The following PLCB1 variants were observed in gnomAD, a reference collection of about 807,000 sequenced individuals.
PLCB1 encodes the protein phospholipase C beta 1, also known as 1-phosphatidylinositol 4,5-bisphosphate phosphodiesterase beta-1.
A neutral mutation model predicts 161.8 loss-of-function variants in PLCB1; 46 were observed. That is an observed-to-expected ratio of 0.28 (90% confidence interval 0.22 to 0.36). The LOEUF (loss-of-function observed/expected upper bound fraction) is 0.36. Ranked by LOEUF, PLCB1 falls within the 10% of genes least tolerant of loss-of-function variation. PLCB1 has a pLI of 1.00. For synonymous variants in PLCB1, 517 were observed against 503.7 expected, an observed-to-expected ratio of 1.03 and a Z score of -0.35; for missense variants, 1,016 against 1,472.5, an observed-to-expected ratio of 0.69 and a Z score of 5.07.
chr20:8,516,564 A>C (rs774263121), intron 3 of PLCB1, among the ~76,000 whole-genome samples: 3 of 151,484 alleles, frequency 2.0e-5, no homozygotes, highest in African/African-American at 7.3e-5. Context: ...GTTTATTTTC[A>C]TAACATGCTA....
rs76973447 is a variant in PLCB1 at position 8,475,437 on chromosome 20, A to G, written c.246+103987A>G. ...CCTGTCTCAAAAAAATAAGTGGGAAAAAAAGACAGAGATGTCCTTGCAACA... is the reference window on the plus strand; with the variant it reads ...CCTGTCTCAAAAAAATAAGTGGGAAGAAAAGACAGAGATGTCCTTGCAACA... On this transcript the variant is annotated intron_variant, in intron 3 of 31. Transcript: ENST00000338037. 9.1e-3 allele frequency among the ~76,000 whole-genome samples: 1,384 copies of G among 152,292 alleles called. 27 individuals are homozygous for G. The highest frequency in any genetic ancestry group is 0.031 in the African/African-American group (1,298 of 41,550).
intron 3 of PLCB1, among the ~76,000 whole-genome samples, chr20:8,524,287 G>GA (rs1340970972): frequency 5.9e-5 from 9 of 151,918 alleles, no homozygotes; most frequent in Non-Finnish European, 1.3e-4. Context: ...AATAAATCAT[G>GA]AAAAAAATGA....
At chr20:8,629,950 CT>C (rs1291329892) in intron 4 of PLCB1, among the ~76,000 whole-genome samples, 4 of 118,062 alleles carry the variant, frequency 3.4e-5, no homozygotes, top group African/African-American at 1.5e-4. Flanking sequence ...TTCTCTCTTT[CT>C]TTTCTTTCTT....
intron 31 of PLCB1, among the ~76,000 whole-genome samples, chr20:8,873,373 C>A (rs1987671758): frequency 6.6e-6 from 1 of 152,158 alleles, no homozygotes; most frequent in Non-Finnish European, 1.5e-5. Flanking sequence ...ATCCACTTAG[C>A]TAACTGATGA....
intron 5 of PLCB1, 121 bp from the exon 6 acceptor site, chr20:8,647,779 C>A (rs571068076): frequency 4.2e-6 from 3 of 717,894 alleles, no homozygotes; most frequent in Admixed American, 2.2e-5. Flanking sequence ...GAGACTTGGG[C>A]AGTTTGTGGA....
At chr20:8,497,967 TATA>T (rs1179934911) in intron 3 of PLCB1, among the ~76,000 whole-genome samples, 1 of 152,232 alleles carries the variant, frequency 6.6e-6, no homozygotes, top group Non-Finnish European at 1.5e-5. Flanking sequence ...TTTCCTTTTA[TATA>T]ATAATGACTC....
intron 3 of PLCB1, among the ~76,000 whole-genome samples, chr20:8,481,938 A>G (rs1032350445): frequency 6.6e-6 from 1 of 152,094 alleles, no homozygotes; most frequent in African/African-American, 2.4e-5. Context: ...AAGTATCATG[A>G]TAACTTTCAG....
At chr20:8,840,022 C>G (rs892109384) in intron 31 of PLCB1, among the ~76,000 whole-genome samples, 3 of 142,150 alleles carry the variant, frequency 2.1e-5, no homozygotes, top group African/African-American at 7.5e-5. Flanking sequence ...CAGAGAGAAA[C>G]TCTGTCTCAG....
At chr20:8,590,415 T>C (rs919757040) in intron 3 of PLCB1, among the ~76,000 whole-genome samples, 7 of 152,216 alleles carry the variant, frequency 4.6e-5, no homozygotes, top group African/African-American at 9.6e-5. Flanking sequence ...CCTTAAAATA[T>C]AAAATCGATG....
At chr20:8,333,226 A>G (rs1225362727) in intron 2 of PLCB1, among the ~76,000 whole-genome samples, 3 of 152,226 alleles carry the variant, frequency 2.0e-5, no homozygotes, top group Non-Finnish European at 2.9e-5. Context: ...AATCACCTGC[A>G]GGAAAGCCAT....
chr20:8,534,244 C>G (rs2122928189), intron 3 of PLCB1, among the ~76,000 whole-genome samples: 1 of 152,300 alleles, frequency 6.6e-6, no homozygotes, highest in South Asian at 2.1e-4. Flanking sequence ...ACTACAGGTA[C>G]AGGCGCTGCC....
chr20:8,336,456 T>C (rs1985584555), intron 2 of PLCB1, among the ~76,000 whole-genome samples: 2 of 152,198 alleles, frequency 1.3e-5, no homozygotes, highest in African/African-American at 4.8e-5. Context: ...TGGAACAGAC[T>C]GCCTCATGAG....
intron 3 of PLCB1, among the ~76,000 whole-genome samples, chr20:8,551,376 A>G (rs757774807): frequency 2.0e-5 from 3 of 152,174 alleles, no homozygotes; most frequent in Non-Finnish European, 2.9e-5. Flanking sequence ...GTGTTCATTG[A>G]TACTTATTTT....
At chr20:8,512,844 G>T (rs1310717106) in intron 3 of PLCB1, among the ~76,000 whole-genome samples, 2 of 152,008 alleles carry the variant, frequency 1.3e-5, no homozygotes, top group Non-Finnish European at 2.9e-5. Context: ...TGAACTATAC[G>T]TTATTATTAA....
At chr20:8,607,665 AT>A (rs1308250415) in intron 3 of PLCB1, among the ~76,000 whole-genome samples, 1 of 151,950 alleles carries the variant, frequency 6.6e-6, no homozygotes, top group East Asian at 1.9e-4. Context: ...TTTTATTTTC[AT>A]CATTGACTTC....
At chr20:8,544,282 G>A (rs1173918760) in intron 3 of PLCB1, among the ~76,000 whole-genome samples, 3 of 152,200 alleles carry the variant, frequency 2.0e-5, no homozygotes, top group Admixed American at 6.5e-5. Flanking sequence ...GTGAGCATGT[G>A]CAAGATTTTG....
At chr20:8,688,564 G>A (rs1365158793) in intron 10 of PLCB1, among the ~76,000 whole-genome samples, 1 of 152,032 alleles carries the variant, frequency 6.6e-6, no homozygotes, top group African/African-American at 2.4e-5. Flanking sequence ...CCTACATGTG[G>A]CTAGCCAATT....
In PLCB1 at chr20:8,535,235, A is replaced by T. The variant is rs1047611007; in HGVS notation, c.247-93059A>T. On this transcript the variant is annotated intron_variant, in intron 3 of 31. Coordinates refer to ENST00000338037, the MANE Select transcript of PLCB1 (RefSeq NM_015192.4). ...AAAAAAAAAAAAAAAAAGGAAAGAA[A>T]ACTGTTTTAAGTATGATATCTTCAG... is the stretch of plus-strand genomic sequence containing the variant. Among the ~76,000 whole-genome samples, 5 of 150,078 alleles carry T rather than the reference A, an allele frequency of 3.3e-5. No individual in the cohort carries two copies. The South Asian group carries it at 1.0e-3, about 31-fold the overall frequency.
intron 3 of PLCB1, among the ~76,000 whole-genome samples, chr20:8,403,723 G>A (rs991675253): frequency 6.6e-6 from 1 of 152,188 alleles, no homozygotes; most frequent in Non-Finnish European, 1.5e-5. Flanking sequence ...TAGTGCCACT[G>A]CAAGACAGAT....
Sources: gnomAD v4.1 joint callset for allele counts (sites outside exome capture counted in the v4.1 genomes callset) on GRCh38, gnomAD v4.1.1 for gene constraint, MANE v1.5 for transcripts, NCBI Gene and HGNC (gene_info 2026-07-23, HGNC 2026-07-21) for gene names.